Variants in AXDND1 observed in about 807,000 individuals in gnomAD.
The protein encoded by AXDND1 is axonemal dynein light chain domain containing 1.
In AXDND1, 110 loss-of-function variants were observed where a neutral mutation model predicts 137.5. The ratio of observed to expected loss-of-function variants is 0.80; its 90% confidence interval spans 0.69 to 0.94. The LOEUF is 0.94. Ranked by LOEUF, AXDND1 falls within the 40% of genes least tolerant of loss-of-function variation. The probability of loss-of-function intolerance (pLI) is 0.00; values close to 1 mark genes in which losing one functional copy is unlikely to be tolerated. For synonymous variants in AXDND1, 414 were observed against 399.7 expected, an observed-to-expected ratio of 1.04 and a Z score of -0.43; for missense variants, 1,191 against 1,169.8, an observed-to-expected ratio of 1.02 and a Z score of -0.26.
chr1:179,456,558 G>T (rs1235374961), intron 16 of AXDND1: 1 of 778,020 alleles, frequency 1.3e-6, no homozygotes, highest in Non-Finnish European at 2.3e-6. Flanking sequence ...GCTTCCTCCG[G>T]AGTAACCAGG....
chr1:179,496,911 T>C (rs958675449), intron 20 of AXDND1, among the ~76,000 whole-genome samples: 1 of 152,116 alleles, frequency 6.6e-6, no homozygotes, highest in Non-Finnish European at 1.5e-5. Flanking sequence ...TTTAATTCCA[T>C]TTAAAATACA....
intron 9 of AXDND1, 104 bp from the exon 10 acceptor site, chr1:179,393,799 G>T: frequency 1.2e-6 from 1 of 848,080 alleles, no homozygotes; most frequent in South Asian, 3.7e-5. Flanking sequence ...TGGTTTTCTT[G>T]GTGTATAGCA....
intron 4 of AXDND1, among the ~76,000 whole-genome samples, chr1:179,376,425 A>C (rs1647277686): frequency 6.6e-6 from 1 of 152,188 alleles, no homozygotes; most frequent in Non-Finnish European, 1.5e-5. Flanking sequence ...TTTGGTTGAA[A>C]AAATTCATGT....
At chr1:179,510,040 C>A (rs1040548664) in intron 21 of AXDND1, among the ~76,000 whole-genome samples, 2 of 152,164 alleles carry the variant, frequency 1.3e-5, no homozygotes, top group African/African-American at 4.8e-5. Flanking sequence ...TTCTGTGTAG[C>A]ATTTGGCTCT....
chr1:179,373,640 C>T (rs1413414604), intron 4 of AXDND1, among the ~76,000 whole-genome samples: 3 of 152,078 alleles, frequency 2.0e-5, no homozygotes, highest in Non-Finnish European at 2.9e-5. Flanking sequence ...TATAGACCAA[C>T]GGAACAGAAC....
chr1:179,497,584 C>A (rs953789639), intron 20 of AXDND1, among the ~76,000 whole-genome samples: 4 of 152,124 alleles, frequency 2.6e-5, no homozygotes, highest in Admixed American at 2.0e-4. Context: ...GAACCATTCC[C>A]CTTGAGAACT....
intron 17 of AXDND1, among the ~76,000 whole-genome samples, chr1:179,476,300 T>C (rs72721230): frequency 0.063 from 9,564 of 152,308 alleles, 359 homozygotes; most frequent in African/African-American, 0.071. Context: ...TGTTTTGGCA[T>C]ATATATTACA....
chr1:179,467,741 A>G (rs576140991), intron 16 of AXDND1, among the ~76,000 whole-genome samples: 26 of 152,352 alleles, frequency 1.7e-4, no homozygotes, highest in African/African-American at 6.0e-4. Context: ...CATTTTGAAT[A>G]TTCCTAAAAG....
In AXDND1 at chr1:179,468,578, A is replaced by T. The variant is rs754805060; in HGVS notation, c.1934A>T (p.His645Leu). 5.0e-6 allele frequency: 8 copies of T among 1,612,788 alleles called. No homozygotes were observed. The highest frequency in any genetic ancestry group is 6.8e-6 in the Non-Finnish European group (8 of 1,179,640). Residue 645 changes from histidine to leucine, a missense_variant, in exon 17 of 26, where the codon CAC (histidine) becomes CTC (leucine). By Grantham distance (99) the His-to-Leu change is moderately conservative. Transcript: ENST00000367618. The part of the protein sequence containing the change: ...IDEKINEMKS[H>L]LDILLNLTGI... ...GAAAAAATTAATGAAATGAAATCAC[A>T]CTTGGATATATTGTTAAACCTTACT...
At chr1:179,442,723 G>A (rs527850444) in intron 15 of AXDND1, among the ~76,000 whole-genome samples, 7 of 152,060 alleles carry the variant, frequency 4.6e-5, no homozygotes, top group African/African-American at 7.2e-5. Flanking sequence ...GACTCATCCC[G>A]GGGTCACTGT....
chr1:179,403,920 G>C (rs1652515544), intron 11 of AXDND1, among the ~76,000 whole-genome samples: 1 of 152,150 alleles, frequency 6.6e-6, no homozygotes, highest in African/African-American at 2.4e-5. Context: ...TGCAATAGCA[G>C]CAGAAGGTGG....
At chr1:179,374,236 G>A (rs938832224) in intron 4 of AXDND1, among the ~76,000 whole-genome samples, 2 of 152,134 alleles carry the variant, frequency 1.3e-5, no homozygotes, top group Non-Finnish European at 2.9e-5. Context: ...GCTCATCATC[G>A]TTGGCCATCA....
intron 8 of AXDND1, among the ~76,000 whole-genome samples, chr1:179,384,851 C>T (rs1309360895): frequency 6.6e-6 from 1 of 152,002 alleles, no homozygotes; most frequent in Admixed American, 6.6e-5. Flanking sequence ...CAGCTGCAAC[C>T]TCCCTGGGCT....
chr1:179,409,576 A>G (rs1348575393), intron 11 of AXDND1, among the ~76,000 whole-genome samples: 1 of 152,126 alleles, frequency 6.6e-6, no homozygotes, highest in East Asian at 1.9e-4. Flanking sequence ...CCCATGTACC[A>G]AAGTATTAAG....
At chr1:179,511,028 A>G (rs1310497412) in intron 21 of AXDND1, among the ~76,000 whole-genome samples, 2 of 151,470 alleles carry the variant, frequency 1.3e-5, no homozygotes, top group African/African-American at 4.9e-5. Context: ...TACTTCACTT[A>G]CAATAAGAGT....
intron 11 of AXDND1, among the ~76,000 whole-genome samples, chr1:179,399,086 A>G (rs1453797862): frequency 6.6e-6 from 1 of 152,170 alleles, no homozygotes. Flanking sequence ...GTTTCTGTGT[A>G]CATGTACTCA....
intron 20 of AXDND1, among the ~76,000 whole-genome samples, chr1:179,505,254 C>G (rs1668421779): frequency 6.6e-6 from 1 of 152,182 alleles, no homozygotes; most frequent in East Asian, 1.9e-4. Context: ...AGCATTTGAC[C>G]TACTAGACTG....
intron 16 of AXDND1, chr1:179,457,368 C>A: frequency 6.4e-6 from 3 of 466,948 alleles, no homozygotes; most frequent in Non-Finnish European, 1.2e-5. Context: ...AATGATGCTT[C>A]TTCGGCGGCG....
chr1:179,379,742 G>T (rs558579927), intron 6 of AXDND1, among the ~76,000 whole-genome samples: 66 of 144,116 alleles, frequency 4.6e-4, no homozygotes, highest in African/African-American at 1.6e-3. Context: ...GTTGCAGTGA[G>T]CCAAGATTGC....
Sources: allele counts gnomAD v4.1 joint callset (sites outside exome capture counted in the v4.1 genomes callset), GRCh38; gene constraint gnomAD v4.1.1; transcripts MANE v1.5; gene names NCBI Gene and HGNC (gene_info 2026-07-23, HGNC 2026-07-21).